COL4A2: variants seen among roughly 807,000 people sequenced by gnomAD.
COL4A2 encodes collagen alpha-2(IV) chain.
A neutral mutation model predicts 200.2 loss-of-function variants in COL4A2; 99 were observed. The ratio of observed to expected loss-of-function variants is 0.49; its 90% CI spans 0.42 to 0.58. COL4A2 has a LOEUF of 0.58. Ranked by LOEUF, COL4A2 falls within the 20% of genes least tolerant of loss-of-function variation. COL4A2 has a pLI of 0.00. For missense variants in COL4A2, 1,950 were observed against 2,314.1 expected (o/e 0.84, Z 3.23); for synonymous variants, 897 against 900.6 (o/e 1.00, Z 0.07).
intron 31 of COL4A2, 51 bp downstream of exon 31, chr13:110,480,441 A>C: frequency 6.4e-7 from 1 of 1,550,724 alleles, no homozygotes; most frequent in Non-Finnish European, 8.7e-7. Flanking sequence ...GTTGGGTCTA[A>C]TCAACTCTGA....
chr13:110,346,722 A>G (rs4773162), intron 3 of COL4A2, among the ~76,000 whole-genome samples: 144,005 of 152,042 alleles, frequency 0.95, 68,689 homozygotes, highest in East Asian at 1. Flanking sequence ...ACGGCCCCAC[A>G]CCCATGTCTA....
chr13:110,503,293 CCATGGCCATGGGCCAGCA>C lies in COL4A2; in HGVS notation c.4039+12_4039+29del, dbSNP rs767870120. 1.3e-6 allele frequency: 2 copies of C among 1,599,576 alleles called. No individual in the cohort carries two copies. Among genetic ancestry groups the C allele is most frequent in the Non-Finnish European group, 1.7e-6 (2 of 1,173,812 alleles). On this transcript the variant is annotated intron_variant, in intron 42 of 47. Transcript: ENST00000360467. The stretch of plus-strand genomic sequence containing the variant: ...TCCCAGGAGAAAAAGGTAACAGTGC[CCATGGCCATGGGCCAGCA>C]GCCCTGGCCACAGTGAGAGGAGCCC...
intron 20 of COL4A2, among the ~76,000 whole-genome samples, chr13:110,455,494 G>A (rs367645268): frequency 2.0e-5 from 3 of 152,094 alleles, no homozygotes; most frequent in Non-Finnish European, 2.9e-5. Flanking sequence ...TCCCCAGCAC[G>A]GGCCATAATT....
chr13:110,456,403 A>G (rs541451105), intron 20 of COL4A2: 4 of 278,832 alleles, frequency 1.4e-5, no homozygotes, highest in Non-Finnish European at 2.8e-5. Flanking sequence ...AACTGAGTTC[A>G]TCTTTTTTTT....
At chr13:110,377,513 C>A (rs1460509412) in intron 4 of COL4A2, among the ~76,000 whole-genome samples, 1 of 152,246 alleles carries the variant, frequency 6.6e-6, no homozygotes, top group Admixed American at 6.5e-5. Context: ...TGTGCCCACC[C>A]CACCCCCACT....
intron 47 of COL4A2, among the ~76,000 whole-genome samples, chr13:110,509,942 G>C (rs778882284): frequency 6.6e-6 from 1 of 152,200 alleles, no homozygotes; most frequent in Non-Finnish European, 1.5e-5. Flanking sequence ...GCCCCCTCCA[G>C]ATGTGCCCTG....
At chr13:110,493,122 C>T (rs1412405267) in intron 38 of COL4A2, 89 bp from the exon 39 acceptor site, 10 of 1,301,202 alleles carry the variant, frequency 7.7e-6, no homozygotes, top group Middle Eastern at 2.0e-4. Context: ...GGTGAAATAA[C>T]GATGAGTGAC....
At chr13:110,432,904 G>A (rs1880734187) in intron 11 of COL4A2, among the ~76,000 whole-genome samples, 1 of 152,216 alleles carries the variant, frequency 6.6e-6, no homozygotes, top group South Asian at 2.1e-4. Flanking sequence ...CAAAGTAGGT[G>A]GTTTGTTAGA....
At chr13:110,388,088 G>A (rs1467536102) in intron 4 of COL4A2, among the ~76,000 whole-genome samples, 6 of 152,330 alleles carry the variant, frequency 3.9e-5, no homozygotes, top group Non-Finnish European at 8.8e-5. Flanking sequence ...AGAGGGAAAC[G>A]CCAAAAGTGG....
intron 6 of COL4A2, among the ~76,000 whole-genome samples, chr13:110,425,872 C>T (rs183111204): frequency 1.7e-3 from 256 of 152,262 alleles, no homozygotes; most frequent in African/African-American, 5.8e-3. Flanking sequence ...CATGCGTTTC[C>T]ATGAGATCTT....
intron 34 of COL4A2, among the ~76,000 whole-genome samples, chr13:110,486,991 G>C (rs12867210): frequency 0.069 from 10,532 of 152,292 alleles, 471 homozygotes; most frequent in African/African-American, 0.11. Context: ...GGGCTCAGAG[G>C]CCTGACAGTG....
chr13:110,478,464 G>A (rs1036757317), intron 30 of COL4A2, among the ~76,000 whole-genome samples: 8 of 152,246 alleles, frequency 5.3e-5, no homozygotes, highest in Non-Finnish European at 7.3e-5. Flanking sequence ...ATGTGGAGAG[G>A]AGAAATGGTT....
At chr13:110,489,049 G>A (rs1436787731) in intron 34 of COL4A2, among the ~76,000 whole-genome samples, 1 of 152,118 alleles carries the variant, frequency 6.6e-6, no homozygotes, top group Non-Finnish European at 1.5e-5. Flanking sequence ...GGGCAACAGA[G>A]CAAGAGCCCA....
chr13:110,327,601 G>A (rs75819221), intron 3 of COL4A2, among the ~76,000 whole-genome samples: 38,799 of 152,120 alleles, frequency 0.26, 5,633 homozygotes, highest in Non-Finnish European at 0.32. Flanking sequence ...GAAGAGATTG[G>A]GGGTGGGGTG....
intron 33 of COL4A2, 37 bp from the exon 34 acceptor site, chr13:110,485,618 C>G (rs1883093348): frequency 1.3e-6 from 2 of 1,540,100 alleles, no homozygotes; most frequent in Non-Finnish European, 1.8e-6. Flanking sequence ...GGTGCTGCGT[C>G]CTCACCAGAG....
chr13:110,321,095 C>G (rs1885262360), intron 3 of COL4A2, among the ~76,000 whole-genome samples: 1 of 152,040 alleles, frequency 6.6e-6, no homozygotes, highest in South Asian at 2.1e-4. Flanking sequence ...CTTACAAACA[C>G]AGTGTTGATA....
chr13:110,331,938 T>C (rs989781703), intron 3 of COL4A2, among the ~76,000 whole-genome samples: 1 of 152,082 alleles, frequency 6.6e-6, no homozygotes, highest in Non-Finnish European at 1.5e-5. Context: ...CTTTTTTCAC[T>C]CTGTCTTTTC....
chr13:110,429,898 C>T lies in COL4A2; in HGVS notation c.491C>T (p.Pro164Leu). 6.2e-7 allele frequency: 1 copy of T among 1,612,766 alleles called. No homozygotes were observed. The change falls in exon 8 of 48, where the codon CCA (proline) becomes CTA (leucine). Residue 164 changes from proline (P) to leucine (L), a missense_variant. Pro to Leu is a moderately conservative substitution (Grantham distance 98, BLOSUM62 -3). Coordinates refer to ENST00000360467, the MANE Select transcript of COL4A2 (RefSeq NM_001846.4). Reference protein sequence around the residue: ...GFTGPPGPQGPKGQKGEPYAL... With the variant: ...GFTGPPGPQGLKGQKGEPYAL... ...TCTGCTAATTAGGGGCCCCAAGGAC[C>T]AAAAGGGCAGAAAGGTGAGCCTTAT...
At chr13:110,403,067 G>C (rs1463552685) in intron 4 of COL4A2, among the ~76,000 whole-genome samples, 1 of 145,278 alleles carries the variant, frequency 6.9e-6, no homozygotes, top group East Asian at 2.0e-4. Context: ...AGATGGGTGG[G>C]GCAGCCCCAA....
Sources: gnomAD v4.1 joint callset for allele counts (sites outside exome capture counted in the v4.1 genomes callset) on GRCh38, gnomAD v4.1.1 for gene constraint, MANE v1.5 for transcripts, NCBI Gene and HGNC (gene_info 2026-07-23, HGNC 2026-07-21) for gene names.